Variants in TENM3 observed in about 807,000 individuals in gnomAD.
The protein encoded by TENM3 is teneurin transmembrane protein 3.
In TENM3, 63 loss-of-function variants were observed where a neutral mutation model predicts 255.1. The ratio of observed to expected loss-of-function variants is 0.25; its 90% CI spans 0.20 to 0.30. TENM3 has a LOEUF of 0.30. TENM3 is among the 10% of genes least tolerant of loss of function. The pLI, the probability that TENM3 is intolerant of heterozygous loss-of-function variation, is 1.00. For missense variants in TENM3, 2,929 were observed against 3,461.1 expected, an observed-to-expected ratio of 0.85 and a Z score of 3.86; for synonymous variants, 1,306 against 1,322.3, an observed-to-expected ratio of 0.99 and a Z score of 0.27.
Position 182,601,082 on chromosome 4 carries a change from G to T in TENM3, c.670G>T (p.Ala224Ser). The T allele has an allele frequency of 6.2e-7, 1 of 1,613,650 alleles. No individual in the cohort carries two copies. ...TCCGGCCCCGCCGGCTGCTTTGCCC[G>T]CCGAGCTGCAAACCACACCCGAGTC... ...QSPAPPAALP[A>S]ELQTTPESVQ... Residue 224 changes from alanine (A) to serine (S), a missense_variant, in exon 4 of 28, where the codon GCC becomes TCC. Around this residue, in one of 6 missense-constraint regions of TENM3, gnomAD observed 1,608 missense variants for 1,884.4 expected, o/e 0.85. Coordinates refer to ENST00000511685, the MANE Select transcript of TENM3 (RefSeq NM_001080477.4).
chr4:181,514,806 G>A, the TENM3 span, among the ~76,000 whole-genome samples: 20 of 152,198 alleles, frequency 1.3e-4, no homozygotes, highest in Non-Finnish European at 2.4e-4. Context: ...TGCAAAACCT[G>A]AGGCGTGGTA....
At chr4:181,964,778 A>T in the TENM3 span, among the ~76,000 whole-genome samples, 3 of 152,340 alleles carry the variant, frequency 2.0e-5, no homozygotes. Flanking sequence ...GTAAACGTAG[A>T]TACAGGGACA....
the TENM3 span, among the ~76,000 whole-genome samples, chr4:181,598,689 A>G: frequency 3.0e-5 from 4 of 134,566 alleles, no homozygotes; most frequent in African/African-American, 1.1e-4. Flanking sequence ...CAAGCATAAG[A>G]AAAAAAAAAA....
rs148746913 is a variant in TENM3, at chr4:182,290,205, G to A, written c.-75-33741G>A. On this transcript the variant is annotated intron_variant, in intron 1 of 27. Transcript: ENST00000511685. ...GGGACCTGGCGTGTGGTAAGTGTGC[G>A]ATGAGTGCTGTCGACTGAATGAGTG... 2.2e-4 allele frequency among the ~76,000 whole-genome samples: 33 copies of A among 152,260 alleles called. No homozygotes were observed. The East Asian group carries it at 4.3e-3, about 20-fold the overall frequency.
chr4:182,323,812 A>T lies in TENM3; in HGVS notation c.-75-134A>T, dbSNP rs562824751. 4.3e-5 allele frequency: 25 copies of T among 584,622 alleles called. No individual in the cohort carries two copies. In the South Asian group the frequency reaches 4.5e-4, roughly 11 times the overall value. 36.2% of individuals were successfully genotyped at this position (584,622 alleles called of 1,614,324 possible). On this transcript the variant is annotated intron_variant, in intron 1 of 27. Coordinates refer to ENST00000511685, the MANE Select transcript of TENM3 (RefSeq NM_001080477.4). The stretch of plus-strand genomic sequence containing the variant: ...TTTTACACTGATTTCAGAAATACTA[A>T]TTTCTTGTTGAAAGCAAGTTTCCTA...
intron 1 of TENM3, among the ~76,000 whole-genome samples, chr4:182,175,412 G>A (rs1165588269): frequency 6.6e-6 from 1 of 151,376 alleles, no homozygotes; most frequent in Non-Finnish European, 1.5e-5. Context: ...TGTTTTTTCA[G>A]TGGTATTCTT....
At chr4:181,802,637 T>C in the TENM3 span, among the ~76,000 whole-genome samples, 1 of 152,234 alleles carries the variant, frequency 6.6e-6, no homozygotes, top group African/African-American at 2.4e-5. Context: ...TCCTCTGGTC[T>C]CTGTATTGTC....
Position 182,754,862 on chromosome 4 carries a change from T to A in TENM3, c.4495T>A (p.Ser1499Thr). 1 of 1,614,032 alleles carries A rather than the reference T, an allele frequency of 6.2e-7. No homozygotes were observed. Among genetic ancestry groups the A allele is most frequent in the Non-Finnish European group, 8.5e-7 (1 of 1,179,902 alleles). Residue 1499 changes from serine (S) to threonine (T), a missense_variant, in exon 22 of 28, where the codon TCA (serine) becomes ACA (threonine). Ser to Thr is a moderately conservative substitution (Grantham distance 58). This residue lies in a region of TENM3 where 1,608 missense variants were observed against 1,884.4 expected (regional missense o/e 0.85). Transcript: ENST00000511685. The surrounding 1 kb of genome is among the most constrained non-coding windows in gnomAD (Gnocchi z 5.1). ...DLGNIRIRAV[S>T]KNKPLLNSMN... is the part of the protein sequence containing the mutation. ...AGGGAATATCCGGATCCGGGCTGTG[T>A]CAAAGAATAAGCCTTTACTTAACTC... is the stretch of plus-strand genomic sequence containing the variant.
rs908336603 is a variant in TENM3, at chr4:182,186,501, T to C, written c.-76+41747T>C. Among the ~76,000 whole-genome samples, 6 of 151,642 alleles carry C rather than the reference T, an allele frequency of 4.0e-5. No homozygotes were observed. In the East Asian group the frequency reaches 1.2e-3, roughly 29 times the overall value. Reference sequence around the variant, plus strand: ...TTAATAATAGAAGATAATTTGCTTGTTTTTAATAGGAGAAGATCACTTACT... The same window carrying C: ...TTAATAATAGAAGATAATTTGCTTGCTTTTAATAGGAGAAGATCACTTACT... On this transcript the variant is annotated intron_variant, in intron 1 of 2. Coordinates refer to the TENM3 transcript ENST00000512480.
At chr4:182,314,233 G>A (rs1488224176) in intron 1 of TENM3, among the ~76,000 whole-genome samples, 8 of 151,986 alleles carry the variant, frequency 5.3e-5, no homozygotes, top group African/African-American at 1.9e-4. Flanking sequence ...CCTGGGAGGC[G>A]GAGCTTGCAG....
At chr4:181,921,407 C>G in the TENM3 span, among the ~76,000 whole-genome samples, 1 of 152,146 alleles carries the variant, frequency 6.6e-6, no homozygotes, top group Admixed American at 6.6e-5. Flanking sequence ...TCTGTAATTT[C>G]ATTGAGCAGT....
rs148782454 is a variant in TENM3, at chr4:182,301,468, G to A, written c.-75-22478G>A. Among the ~76,000 whole-genome samples the A allele has an allele frequency of 5.3e-5, 8 of 152,276 alleles. No individual in the cohort carries two copies. The East Asian group carries it at 1.5e-3, about 29-fold the overall frequency. ...TAGCGTGATGAGATTTAGAACAGAG[G>A]CTGAAGTTAATTGAGGTTAGCAAGA... On this transcript the variant is annotated intron_variant, in intron 1 of 27. Coordinates refer to ENST00000511685, the MANE Select transcript of TENM3 (RefSeq NM_001080477.4).
At chr4:182,737,804 T>C (rs1178899820) in intron 17 of TENM3, among the ~76,000 whole-genome samples, 1 of 152,210 alleles carries the variant, frequency 6.6e-6, no homozygotes, top group Non-Finnish European at 1.5e-5. Context: ...AATCCAGTAA[T>C]TGCCACTTCT....
chr4:182,347,216 GA>G (rs1164955469), intron 3 of TENM3, among the ~76,000 whole-genome samples: 5 of 147,598 alleles, frequency 3.4e-5, no homozygotes, highest in African/African-American at 5.1e-5. Context: ...ATCATCTACA[GA>G]AAAAAAAAAT....
the TENM3 span, among the ~76,000 whole-genome samples, chr4:182,062,175 AG>A: frequency 1.3e-5 from 2 of 152,202 alleles, no homozygotes; most frequent in African/African-American, 4.8e-5. Context: ...CTGGTGAAGC[AG>A]ATTAAACAGG....
At chr4:182,425,081 T>TTA (rs1210903358) in intron 3 of TENM3, among the ~76,000 whole-genome samples, 2 of 152,226 alleles carry the variant, frequency 1.3e-5, no homozygotes, top group Non-Finnish European at 2.9e-5. Context: ...CATTTGTGAC[T>TTA]GGTATTAATG....
chr4:181,642,414 G>A, the TENM3 span, among the ~76,000 whole-genome samples: 3 of 152,014 alleles, frequency 2.0e-5, no homozygotes, highest in Admixed American at 1.3e-4. Flanking sequence ...TACCCATTCT[G>A]TACATTGCCT....
At chr4:181,570,646 G>T in the TENM3 span, among the ~76,000 whole-genome samples, 1 of 137,376 alleles carries the variant, frequency 7.3e-6, no homozygotes, top group Non-Finnish European at 1.6e-5. Flanking sequence ...GAGAGAGAGA[G>T]AAAGAAGGAA....
chr4:181,466,768 TA>T, the TENM3 span, among the ~76,000 whole-genome samples: 1 of 152,048 alleles, frequency 6.6e-6, no homozygotes, highest in African/African-American at 2.4e-5. Context: ...AACAATTGAT[TA>T]AAATGTGAAA....
Sources: allele counts gnomAD v4.1 joint callset (sites outside exome capture counted in the v4.1 genomes callset), GRCh38; gene constraint gnomAD v4.1.1; regional missense constraint gnomAD v4.1.1; non-coding constraint Gnocchi (gnomAD v3.1); transcripts MANE v1.5; gene names NCBI Gene and HGNC (gene_info 2026-07-23, HGNC 2026-07-21).